SPATA22: variants seen among roughly 807,000 people sequenced by gnomAD.
SPATA22 encodes the protein spermatogenesis associated 22.
SPATA22 carries 29 observed loss-of-function variants against 47.8 expected under a neutral mutation model. The ratio of observed to expected loss-of-function variants is 0.61; its 90% CI spans 0.45 to 0.83. SPATA22 has a LOEUF of 0.83. Among genes scored for constraint, SPATA22 ranks in the 40% least tolerant of loss-of-function variants. The probability of loss-of-function intolerance (pLI) is 0.00; values close to 1 mark genes in which losing one functional copy is unlikely to be tolerated. For missense variants in SPATA22, 410 were observed against 421.7 expected, an observed-to-expected ratio of 0.97 and a Z score of 0.24; for synonymous variants, 133 against 140.9, an observed-to-expected ratio of 0.94 and a Z score of 0.40.
At chr17:3,442,430 A>G (rs2072618370) in intron 8 of SPATA22, among the ~76,000 whole-genome samples, 1 of 152,018 alleles carries the variant, frequency 6.6e-6, no homozygotes, top group Non-Finnish European at 1.5e-5. Context: ...TTCAGAATTG[A>G]GGCCAATGTC....
intron 1 of SPATA22, chr17:3,502,942 A>G (rs2150767652): frequency 6.6e-6 from 1 of 152,228 alleles, no homozygotes; most frequent in East Asian, 1.9e-4. Flanking sequence ...TGTGACCCAC[A>G]GCTATGGTTT....
intron 7 of SPATA22, among the ~76,000 whole-genome samples, chr17:3,445,092 T>C (rs2072698494): frequency 6.6e-6 from 1 of 152,110 alleles, no homozygotes; most frequent in Non-Finnish European, 1.5e-5. Flanking sequence ...GTTATTTTAA[T>C]ATTTATATTC....
chr17:3,454,865 G>C (rs2072948887), intron 5 of SPATA22, among the ~76,000 whole-genome samples: 1 of 152,164 alleles, frequency 6.6e-6, no homozygotes, highest in Non-Finnish European at 1.5e-5. Context: ...GATCCTTGAG[G>C]AATCGCCACA....
intron 3 of SPATA22, among the ~76,000 whole-genome samples, chr17:3,464,379 T>C (rs1402033806): frequency 1.3e-5 from 2 of 149,282 alleles, no homozygotes; most frequent in South Asian, 2.1e-4. Flanking sequence ...GTGCCCAGAG[T>C]GCAGCCTCTG....
intron 6 of SPATA22, 59 bp downstream of exon 6, chr17:3,448,748 T>C: frequency 7.8e-7 from 1 of 1,281,494 alleles, no homozygotes; most frequent in Non-Finnish European, 1.1e-6. Context: ...GTTTTCTAAA[T>C]ATTTACCTCA....
intron 5 of SPATA22, 56 bp downstream of exon 5, chr17:3,462,427 G>T: frequency 8.2e-7 from 1 of 1,220,806 alleles, no homozygotes; most frequent in South Asian, 1.5e-5. Context: ...AGAATGAAGA[G>T]GAAGACAGGA....
At chr17:3,444,561 G>T (rs914806307) in intron 7 of SPATA22, among the ~76,000 whole-genome samples, 2 of 152,014 alleles carry the variant, frequency 1.3e-5, no homozygotes, top group Non-Finnish European at 2.9e-5. Context: ...CTATAGTGTG[G>T]AGCCTTAAGA....
At chr17:3,510,128 T>C (rs1376351987) in intron 1 of SPATA22, among the ~76,000 whole-genome samples, 1 of 152,190 alleles carries the variant, frequency 6.6e-6, no homozygotes, top group Non-Finnish European at 1.5e-5. Context: ...TTCACTCTGA[T>C]GGTAGTTTGT....
At position 3,448,747 on chromosome 17, in the gene SPATA22, ATATT is replaced by A. The variant is rs1434307836; in HGVS notation, c.672+56_672+59del. On this transcript the variant is annotated intron_variant, in intron 6 of 8. Transcript: ENST00000572969. ...CGCTCTTATCTCTGTAGTTTTCTAA[ATATT>A]TACCTCATATTTTTAAAAATGTAAA... 6.8e-5 allele frequency: 86 copies of A among 1,273,420 alleles called. 1 individual carries two copies. Among genetic ancestry groups the A allele is most frequent in the Non-Finnish European group, 8.3e-5 (77 of 925,510 alleles). 78.9% of individuals were successfully genotyped at this position (1,273,420 alleles called of 1,614,324 possible).
At chr17:3,462,399 GAA>G (rs1489628829) in intron 5 of SPATA22, 82 bp downstream of exon 5, 1 of 896,540 alleles carries the variant, frequency 1.1e-6, no homozygotes, top group Non-Finnish European at 1.7e-6. Flanking sequence ...GAGAAACAAC[GAA>G]GTGAAGGAGG....
chr17:3,453,371 AAATC>A (rs1000526465), intron 5 of SPATA22, among the ~76,000 whole-genome samples: 4 of 152,200 alleles, frequency 2.6e-5, no homozygotes, highest in African/African-American at 7.2e-5. Flanking sequence ...TAACATACGC[AAATC>A]AATCAATGTT....
intron 5 of SPATA22, among the ~76,000 whole-genome samples, chr17:3,453,646 A>T (rs1255967736): frequency 6.6e-6 from 1 of 152,142 alleles, no homozygotes; most frequent in Non-Finnish European, 1.5e-5. Flanking sequence ...GGGCATTCTA[A>T]ATCTGAAAAT....
intron 8 of SPATA22, among the ~76,000 whole-genome samples, chr17:3,442,850 A>G (rs900743724): frequency 6.6e-6 from 1 of 151,832 alleles, no homozygotes; most frequent in African/African-American, 2.4e-5. Flanking sequence ...CTACTTCTCT[A>G]GCACCCTGCA....
At chr17:3,451,959 A>G (rs1301050553) in intron 5 of SPATA22, among the ~76,000 whole-genome samples, 2 of 151,654 alleles carry the variant, frequency 1.3e-5, no homozygotes, top group African/African-American at 2.4e-5. Context: ...TTAAAAAAAA[A>G]AAAAAGAAAA....
intron 5 of SPATA22, among the ~76,000 whole-genome samples, chr17:3,459,048 A>G (rs2073063392): frequency 1.0e-5 from 1 of 96,282 alleles, no homozygotes; most frequent in Admixed American, 1.3e-4. Flanking sequence ...TCAGACACAG[A>G]AAGAATGTGT....
At chr17:3,448,752 T>C (rs1052981266) in intron 6 of SPATA22, 55 bp downstream of exon 6, 5 of 1,298,952 alleles carry the variant, frequency 3.8e-6, no homozygotes, top group Non-Finnish European at 5.3e-6. Flanking sequence ...TCTAAATATT[T>C]ACCTCATATT....
At chr17:3,493,975 T>C (rs1346246398) in intron 1 of SPATA22, among the ~76,000 whole-genome samples, 1 of 152,192 alleles carries the variant, frequency 6.6e-6, no homozygotes, top group Non-Finnish European at 1.5e-5. Flanking sequence ...TGTCTTCATT[T>C]TGTTATTGTT....
chr17:3,443,181 T>A lies in SPATA22; in HGVS notation c.893A>T (p.Tyr298Phe). The A allele has an allele frequency of 6.2e-7, 1 of 1,606,594 alleles. No individual in the cohort carries two copies. Among genetic ancestry groups the A allele is most frequent in the Non-Finnish European group, 8.5e-7 (1 of 1,175,748 alleles). Residue 298 changes from tyrosine (Y) to phenylalanine (F), a missense_variant, in exon 8 of 9, where the codon TAT becomes TTT. Tyr to Phe is a conservative substitution (Grantham distance 22). Coordinates refer to ENST00000572969, the MANE Select transcript of SPATA22 (RefSeq NM_001170698.2). The part of the protein sequence containing the change: ...DGKNTLPCVF[Y>F]EIDRELPRLI... ...TACTTTAAAAATACTCACGATTTCA[T>A]AAAAGACACAAGGCAGAGTATTTTT...
intron 1 of SPATA22, among the ~76,000 whole-genome samples, chr17:3,484,978 C>G (rs1468492332): frequency 1.3e-5 from 2 of 152,074 alleles, no homozygotes; most frequent in African/African-American, 4.8e-5. Flanking sequence ...CCAGTAAGTA[C>G]ACAATTCTAA....
Sources: gnomAD v4.1 joint callset for allele counts (sites outside exome capture counted in the v4.1 genomes callset) on GRCh38, gnomAD v4.1.1 for gene constraint, MANE v1.5 for transcripts, NCBI Gene and HGNC (gene_info 2026-07-23, HGNC 2026-07-21) for gene names.